The following ADTRP variants were observed in gnomAD, a reference collection of about 807,000 sequenced individuals.
ADTRP encodes the protein androgen dependent TFPI regulating protein.
A neutral mutation model predicts 27.0 loss-of-function variants in ADTRP; 20 were observed. That is an observed-to-expected ratio of 0.74 (90% CI 0.52 to 1.08). ADTRP has a LOEUF of 1.08. Among genes scored for constraint, ADTRP ranks in the 50% least tolerant of loss-of-function variants. The pLI, the probability that ADTRP is intolerant of heterozygous loss-of-function variation, is 0.00. For missense variants in ADTRP, 251 were observed against 275.0 expected (o/e 0.91, Z 0.62); for synonymous variants, 101 against 105.2 (o/e 0.96, Z 0.25).
At chr6:11,766,565 T>C (rs1763579648) in intron 2 of ADTRP, among the ~76,000 whole-genome samples, 190 bp from the exon 3 acceptor site, 1 of 152,226 alleles carries the variant, frequency 6.6e-6, no homozygotes, top group African/African-American at 2.4e-5. Flanking sequence ...TTTATTTCAT[T>C]GCTATATCTG....
rs564106396 is a variant in ADTRP, at chr6:11,769,097, C to A, written c.154-714G>T. ...GAGGGTATTTTTCAAGAAAGTAATA[C>A]GATATGGAAGGCAAGCTTTGTACAT... is the stretch of plus-strand genomic sequence containing the variant. On this transcript the variant is annotated intron_variant, in intron 1 of 5. Coordinates refer to ENST00000414691, the MANE Select transcript of ADTRP (RefSeq NM_032744.4). 4.4e-3 allele frequency among the ~76,000 whole-genome samples: 669 copies of A among 152,170 alleles called. 1 individual carries two copies. The highest frequency in any genetic ancestry group is 0.01 in the Middle Eastern group (3 of 294).
chr6:11,756,851 T>C (rs1581353894), intron 3 of ADTRP, among the ~76,000 whole-genome samples: 1 of 152,194 alleles, frequency 6.6e-6, no homozygotes. Flanking sequence ...AACCTCAGTT[T>C]CCTCTTCTGC....
intron 3 of ADTRP, among the ~76,000 whole-genome samples, chr6:11,748,051 G>A (rs1250285836): frequency 1.3e-5 from 2 of 152,106 alleles, no homozygotes; most frequent in South Asian, 2.1e-4. Context: ...TTTAGCTACC[G>A]CACCAATCAG....
At chr6:11,760,205 G>C (rs1763353112) in intron 3 of ADTRP, among the ~76,000 whole-genome samples, 1 of 152,182 alleles carries the variant, frequency 6.6e-6, no homozygotes, top group Non-Finnish European at 1.5e-5. Context: ...CCACTGGGAT[G>C]TGTGTATAGT....
At chr6:11,767,256 C>T (rs1763604786) in intron 2 of ADTRP, among the ~76,000 whole-genome samples, 1 of 152,126 alleles carries the variant, frequency 6.6e-6, no homozygotes, top group East Asian at 1.9e-4. Context: ...TCACTTGAGC[C>T]TGGGAGGTTG....
chr6:11,755,503 G>A (rs898693029), intron 3 of ADTRP, among the ~76,000 whole-genome samples: 17 of 152,202 alleles, frequency 1.1e-4, no homozygotes, highest in South Asian at 6.2e-4. Context: ...TGGACTGGTC[G>A]TCCTCTGGAC....
chr6:11,741,328 G>A (rs998517839), intron 3 of ADTRP, among the ~76,000 whole-genome samples: 2 of 152,234 alleles, frequency 1.3e-5, no homozygotes, highest in African/African-American at 2.4e-5. Flanking sequence ...TGGAATCTAC[G>A]TGGTAGGTGA....
chr6:11,763,266 T>C lies in ADTRP; in HGVS notation c.390+3008A>G, dbSNP rs78946898. 7.3e-3 allele frequency among the ~76,000 whole-genome samples: 1,107 copies of C among 152,318 alleles called. 10 individuals are homozygous for C. The highest frequency in any genetic ancestry group is 0.025 in the African/African-American group (1,051 of 41,572). ...AGCAGTCCAAAGACTTGATTAATCA[T>C]GAAGGTCCTACAACCACACTGTGTC... On this transcript the variant is annotated intron_variant, in intron 3 of 5. Transcript: ENST00000414691.
chr6:11,728,156 C>T (rs1762277010), intron 4 of ADTRP, among the ~76,000 whole-genome samples: 1 of 152,182 alleles, frequency 6.6e-6, no homozygotes, highest in Non-Finnish European at 1.5e-5. Flanking sequence ...TTCCTTCAGC[C>T]TCCTTCATTC....
chr6:11,729,384 C>T lies in ADTRP; in HGVS notation c.507-5884G>A, dbSNP rs561666931. Among the ~76,000 whole-genome samples the T allele has an allele frequency of 2.0e-5, 3 of 152,268 alleles. No homozygotes were observed. In the East Asian group the frequency reaches 5.8e-4, roughly 29 times the overall value. ...GCTGTTGCCCAACCCCTCCCTGAGA[C>T]ACCCCCTTCCAGTTTGAAGCCTCTC... On this transcript the variant is annotated intron_variant, in intron 4 of 5. Coordinates refer to ENST00000414691, the MANE Select transcript of ADTRP (RefSeq NM_032744.4).
intron 1 of ADTRP, among the ~76,000 whole-genome samples, chr6:11,773,492 G>T (rs774258830): frequency 1.2e-4 from 19 of 152,194 alleles, no homozygotes; most frequent in Non-Finnish European, 2.8e-4. Context: ...GAGCTGTCCG[G>T]GAGTGCAGCA....
At chr6:11,756,944 G>A (rs2113301444) in intron 3 of ADTRP, among the ~76,000 whole-genome samples, 1 of 152,288 alleles carries the variant, frequency 6.6e-6, no homozygotes, top group Middle Eastern at 3.4e-3. Flanking sequence ...GCAACACAAG[G>A]GAAGATGAAT....
intron 5 of ADTRP, 124 bp from the exon 6 acceptor site, chr6:11,714,636 G>T: frequency 9.2e-7 from 1 of 1,092,308 alleles, no homozygotes; most frequent in Non-Finnish European, 1.3e-6. Flanking sequence ...TTCCCAAGGT[G>T]ACAAGATGCA....
chr6:11,730,395 T>C (rs948301919), intron 4 of ADTRP, among the ~76,000 whole-genome samples: 7 of 151,950 alleles, frequency 4.6e-5, no homozygotes, highest in African/African-American at 1.7e-4. Context: ...TGGTAGGGAG[T>C]TCACAACATG....
At chr6:11,717,959 G>A (rs1033059525) in intron 5 of ADTRP, among the ~76,000 whole-genome samples, 1 of 152,260 alleles carries the variant, frequency 6.6e-6, no homozygotes, top group African/African-American at 2.4e-5. Flanking sequence ...TATGGAATAA[G>A]CAGAGTTAAT....
intron 3 of ADTRP, among the ~76,000 whole-genome samples, chr6:11,755,675 T>C (rs1417461551): frequency 6.6e-6 from 1 of 152,244 alleles, no homozygotes; most frequent in East Asian, 1.9e-4. Context: ...CCCAGGTAAA[T>C]GACGGAAAAG....
chr6:11,726,995 A>G (rs755836010), intron 4 of ADTRP, among the ~76,000 whole-genome samples: 7 of 152,154 alleles, frequency 4.6e-5, no homozygotes, highest in Non-Finnish European at 8.8e-5. Context: ...AGAACAAACA[A>G]TAATTATCAT....
At chr6:11,758,805 A>T (rs1385286188) in intron 3 of ADTRP, among the ~76,000 whole-genome samples, 1 of 152,184 alleles carries the variant, frequency 6.6e-6, no homozygotes, top group Non-Finnish European at 1.5e-5. Context: ...TGGTGTTGGT[A>T]CATTGAGAAA....
chr6:11,718,204 G>A (rs758607521), intron 5 of ADTRP, among the ~76,000 whole-genome samples: 1 of 152,182 alleles, frequency 6.6e-6, no homozygotes, highest in Admixed American at 6.5e-5. Context: ...TGGTCTTAGG[G>A]GCCCTGACAA....
Sources: gnomAD v4.1 joint callset for allele counts (sites outside exome capture counted in the v4.1 genomes callset) on GRCh38, gnomAD v4.1.1 for gene constraint, MANE v1.5 for transcripts, NCBI Gene and HGNC (gene_info 2026-07-23, HGNC 2026-07-21) for gene names.